Variants in CD109 observed in about 807,000 individuals in gnomAD.
CD109 encodes the protein CD109 antigen.
CD109 carries 149 observed loss-of-function variants against 165.8 expected under a neutral mutation model. The ratio of observed to expected loss-of-function variants is 0.90; its 90% CI spans 0.79 to 1.03. CD109 has a LOEUF of 1.03. CD109 is among the 50% of genes least tolerant of loss of function. The pLI, the probability that CD109 is intolerant of heterozygous loss-of-function variation, is 0.00. For missense variants in CD109, 1,712 were observed against 1,677.8 expected, an observed-to-expected ratio of 1.02 and a Z score of -0.36; for synonymous variants, 585 against 592.1, an observed-to-expected ratio of 0.99 and a Z score of 0.18.
intron 2 of CD109, among the ~76,000 whole-genome samples, chr6:73,708,965 A>C (rs1771415786): frequency 6.6e-6 from 1 of 152,044 alleles, no homozygotes; most frequent in Non-Finnish European, 1.5e-5. Context: ...GTTCACTCTG[A>C]TGGTAGTTTC....
At chr6:73,751,646 T>C (rs1041437667) in intron 5 of CD109, among the ~76,000 whole-genome samples, 8 of 152,298 alleles carry the variant, frequency 5.3e-5, no homozygotes, top group Admixed American at 1.3e-4. Flanking sequence ...TTTTCAGGTG[T>C]GTCAACAGCC....
upstream of CD109, chr6:73,695,839 A>C: frequency 3.5e-6 from 1 of 285,168 alleles, no homozygotes; most frequent in Non-Finnish European, 6.7e-6. Context: ...CACCCTGGGC[A>C]TCGTTGGTAG....
intron 5 of CD109, among the ~76,000 whole-genome samples, chr6:73,740,106 T>C (rs1214527735): frequency 6.6e-6 from 1 of 152,152 alleles, no homozygotes; most frequent in Non-Finnish European, 1.5e-5. Flanking sequence ...CTTGAGCTCC[T>C]GGACTCAAGC....
rs184762966 is a variant in CD109 at position 73,731,235 on chromosome 6, G to A, written c.507+661G>A. ...CTAAATTTGAATTTTTAGTAGAGAC[G>A]GGGTTTCACCATGTTGGTCAGGCTG... On this transcript the variant is annotated intron_variant, in intron 4 of 32. Coordinates refer to ENST00000287097, the MANE Select transcript of CD109 (RefSeq NM_133493.5). Among the ~76,000 whole-genome samples the A allele has an allele frequency of 2.1e-3, 314 of 152,246 alleles. 1 individual carries two copies. The highest frequency in any genetic ancestry group is 7.2e-3 in the African/African-American group (299 of 41,546).
At chr6:73,730,947 A>C (rs574688804) in intron 4 of CD109, among the ~76,000 whole-genome samples, 1 of 152,334 alleles carries the variant, frequency 6.6e-6, no homozygotes, top group South Asian at 2.1e-4. Flanking sequence ...AAACATACAA[A>C]TATATATTTA....
intron 29 of CD109, among the ~76,000 whole-genome samples, chr6:73,812,586 A>G (rs1775791557): frequency 1.3e-5 from 2 of 152,104 alleles, no homozygotes; most frequent in African/African-American, 2.4e-5. Flanking sequence ...ATTTCTTAAT[A>G]TTCATCTGAG....
chr6:73,696,305 C>G lies in CD109; in HGVS notation c.74+16C>G. 1 of 1,414,062 alleles carries G rather than the reference C, an allele frequency of 7.1e-7. No individual in the cohort carries two copies. Among genetic ancestry groups the G allele is most frequent in the Non-Finnish European group, 9.3e-7 (1 of 1,073,008 alleles). 87.6% of individuals were successfully genotyped at this position (1,414,062 alleles called of 1,614,324 possible). Reference sequence around the variant, plus strand: ...TGGCTCCCGGGTAGGAACGTGGGCGCGCGGGGGGCGCGCGGGCGCGCGGGC... The same window carrying G: ...TGGCTCCCGGGTAGGAACGTGGGCGGGCGGGGGGCGCGCGGGCGCGCGGGC... On this transcript the variant is annotated intron_variant, in intron 1 of 32. Coordinates refer to ENST00000287097, the MANE Select transcript of CD109 (RefSeq NM_133493.5).
chr6:73,764,674 G>T (rs1562053715), intron 10 of CD109, among the ~76,000 whole-genome samples: 1 of 152,110 alleles, frequency 6.6e-6, no homozygotes, highest in Admixed American at 6.5e-5. Flanking sequence ...AAATTAGGCG[G>T]GCGTGGTGGC....
rs754615623 is a variant in CD109, at chr6:73,763,634, G to A, written c.1056G>A (p.Glu352=). Residue 352 remains glutamate, a synonymous_variant, in exon 10 of 33, where the codon GAG becomes GAA. Transcript: ENST00000287097. The stretch of plus-strand genomic sequence containing the variant: ...TCAAGCAACATGATTACATCATTGA[G>A]TTTTTTGATTATACTACTGTCTTGA... ...VFFKQHDYII[E]FFDYTTVLKP... The A allele has an allele frequency of 2.5e-6, 4 of 1,595,720 alleles. No individual in the cohort carries two copies. Among genetic ancestry groups the A allele is most frequent in the African/African-American group, 2.7e-5 (2 of 74,732 alleles).
chr6:73,706,274 G>C lies in CD109; in HGVS notation c.247+8702G>C, dbSNP rs147272230. Among the ~76,000 whole-genome samples, 344 of 152,272 alleles carry C rather than the reference G, an allele frequency of 2.3e-3. 2 individuals carry two copies. Among genetic ancestry groups the C allele is most frequent in the African/African-American group, 8.0e-3 (332 of 41,566 alleles). On this transcript the variant is annotated intron_variant, in intron 2 of 32. Coordinates refer to ENST00000287097, the MANE Select transcript of CD109 (RefSeq NM_133493.5). ...GTGGCAGACCAGAATGAGAAACACAGGACTGGAGATCTTCCCTGGTGGTGC... is the reference window on the plus strand; with the variant it reads ...GTGGCAGACCAGAATGAGAAACACACGACTGGAGATCTTCCCTGGTGGTGC...
chr6:73,750,335 G>A (rs1261605177), intron 5 of CD109, among the ~76,000 whole-genome samples: 5 of 152,182 alleles, frequency 3.3e-5, no homozygotes, highest in Non-Finnish European at 5.9e-5. Context: ...GAGCAAAGCA[G>A]AGAAGCCATC....
In CD109 at chr6:73,824,378, C is replaced by T. The variant is rs2150316149; in HGVS notation, c.*745C>T. On this transcript the variant is annotated 3_prime_UTR_variant, in exon 33 of 33. Transcript: ENST00000287097. The stretch of plus-strand genomic sequence containing the variant: ...GGGTGTGCTGTCTCCTTCCCACATC[C>T]TCAGCCCCACACCAGCTCTATTTCA... The T allele has an allele frequency of 6.6e-6, 1 of 152,294 alleles. No individual in the cohort carries two copies. The highest frequency in any genetic ancestry group is 2.1e-4 in the South Asian group (1 of 4,830). 9.4% of individuals were successfully genotyped at this position (152,294 alleles called of 1,614,324 possible).
chr6:73,781,452 G>C, intron 17 of CD109, 133 bp downstream of exon 17: 4 of 730,122 alleles, frequency 5.5e-6, no homozygotes, highest in Non-Finnish European at 9.1e-6. Flanking sequence ...CTCCCAAAAT[G>C]TTTGGAGTTT....
chr6:73,731,513 G>A (rs1457210640), intron 4 of CD109, among the ~76,000 whole-genome samples: 1 of 152,238 alleles, frequency 6.6e-6, no homozygotes, highest in Non-Finnish European at 1.5e-5. Flanking sequence ...CGAGGGGACA[G>A]GTGCTAGGAC....
intron 30 of CD109, among the ~76,000 whole-genome samples, chr6:73,815,968 T>G (rs1187758962): frequency 2.0e-5 from 3 of 152,194 alleles, no homozygotes; most frequent in Admixed American, 1.3e-4. Context: ...GTGTCCTGGT[T>G]TAACTTAGCT....
chr6:73,696,744 C>A (rs1039571194), intron 1 of CD109, among the ~76,000 whole-genome samples: 2 of 152,130 alleles, frequency 1.3e-5, no homozygotes, highest in Non-Finnish European at 2.9e-5. Context: ...AACAACAGCA[C>A]CCAATAATGG....
intron 3 of CD109, 28 bp from the exon 4 acceptor site, chr6:73,730,316 T>C: frequency 7.3e-7 from 1 of 1,362,544 alleles, no homozygotes; most frequent in Non-Finnish European, 1.0e-6. Context: ...TAATGAGACC[T>C]TGATGTGTGA....
rs760767508 is a variant in CD109, at chr6:73,806,817, A to G, written c.2961-27A>G. 8 of 1,548,372 alleles carry G rather than the reference A, an allele frequency of 5.2e-6. No homozygotes were observed. The Admixed American group carries it at 1.4e-4, about 27-fold the overall frequency. On this transcript the variant is annotated intron_variant, in intron 24 of 32. Transcript: ENST00000287097. ...TGGTGGACCTTATAAAGTGTATTTT[A>G]TGTAATTTTTTTCTCTTTTCATAAA...
chr6:73,787,652 G>T (rs996340029), intron 21 of CD109, among the ~76,000 whole-genome samples, 200 bp downstream of exon 21: 7 of 151,926 alleles, frequency 4.6e-5, no homozygotes, highest in African/African-American at 1.7e-4. Context: ...TTTAAATTTA[G>T]TCAGGAATGT....
Sources: allele counts gnomAD v4.1 joint callset (sites outside exome capture counted in the v4.1 genomes callset), GRCh38; gene constraint gnomAD v4.1.1; transcripts MANE v1.5; gene names NCBI Gene and HGNC (gene_info 2026-07-23, HGNC 2026-07-21).